The following KCNIP1 variants were observed in gnomAD, a reference collection of about 807,000 sequenced individuals.
KCNIP1 encodes the protein potassium voltage-gated channel interacting protein 1.
Under a neutral mutation model 33.0 loss-of-function variants are expected in KCNIP1, and 18 were observed. The ratio of observed to expected loss-of-function variants is 0.55; its 90% CI spans 0.38 to 0.81. The LOEUF (loss-of-function observed/expected upper bound fraction) is 0.81. KCNIP1 is among the 30% of genes least tolerant of loss of function. The pLI is 0.00. For synonymous variants in KCNIP1, 93 were observed against 98.3 expected, an observed-to-expected ratio of 0.95 and a Z score of 0.32; for missense variants, 238 against 271.6, an observed-to-expected ratio of 0.88 and a Z score of 0.87.
At chr5:170,507,881 A>C (rs1255119150) in intron 1 of KCNIP1, among the ~76,000 whole-genome samples, 1 of 152,178 alleles carries the variant, frequency 6.6e-6, no homozygotes, top group Non-Finnish European at 1.5e-5. Flanking sequence ...GTCTTTAATT[A>C]AAAGTAGGAG....
At chr5:170,500,731 C>T (rs1454795593), upstream of KCNIP1, among the ~76,000 whole-genome samples, 1 of 152,164 alleles carries the variant, frequency 6.6e-6, no homozygotes, top group Non-Finnish European at 1.5e-5. Flanking sequence ...GTACAGTGGG[C>T]ACGTGCGTAT....
chr5:170,720,333 G>T lies in KCNIP1; in HGVS notation c.199G>T (p.Gly67Cys). The T allele has an allele frequency of 1.2e-6, 2 of 1,613,934 alleles. No homozygotes were observed. The highest frequency in any genetic ancestry group is 1.7e-6 in the Non-Finnish European group (2 of 1,179,862). ...YRGFKNECPS[G>C]VVNEDTFKQI... is the part of the protein sequence containing the mutation. ...CCCCTTCCCACAGGAGTGCCCCAGTGGTGTGGTCAACGAAGACACATTCAA... is the reference window on the plus strand; with the variant it reads ...CCCCTTCCCACAGGAGTGCCCCAGTTGTGTGGTCAACGAAGACACATTCAA... The change falls in exon 3 of 8, where the codon GGT (glycine) becomes TGT (cysteine). Residue 67 changes from glycine to cysteine, a missense_variant. Coordinates refer to ENST00000328939, the MANE Select transcript of KCNIP1 (RefSeq NM_014592.4).
intron 1 of KCNIP1, among the ~76,000 whole-genome samples, chr5:170,572,790 A>G (rs1243840769): frequency 6.6e-6 from 1 of 152,224 alleles, no homozygotes; most frequent in Admixed American, 6.5e-5. Context: ...ACCACCCCTG[A>G]GACTGCTCTC....
At chr5:170,458,209 C>T (rs1174338700) in intron 1 of KCNIP1, among the ~76,000 whole-genome samples, 1 of 152,000 alleles carries the variant, frequency 6.6e-6, no homozygotes, top group African/African-American at 2.4e-5. Flanking sequence ...TATTAAATGG[C>T]CAAACCTAAG....
chr5:170,508,761 C>T (rs1395608874), intron 1 of KCNIP1, among the ~76,000 whole-genome samples: 2 of 152,224 alleles, frequency 1.3e-5, no homozygotes, highest in Non-Finnish European at 1.5e-5. Flanking sequence ...TCCAAGACCT[C>T]ACTCAGCAAT....
chr5:170,705,705 TTG>T (rs1439984814), intron 1 of KCNIP1, among the ~76,000 whole-genome samples: 1 of 152,096 alleles, frequency 6.6e-6, no homozygotes, highest in East Asian at 1.9e-4. Context: ...GACAATTGAG[TTG>T]TGTCTCTGAC....
intron 1 of KCNIP1, among the ~76,000 whole-genome samples, chr5:170,661,555 G>A (rs997820060): frequency 2.9e-4 from 44 of 152,138 alleles, no homozygotes; most frequent in Admixed American, 2.6e-3. Context: ...GGTTAGATGC[G>A]AGTTCTGCAC....
At chr5:170,724,026 C>T (rs1763924391) in intron 5 of KCNIP1, among the ~76,000 whole-genome samples, 1 of 152,098 alleles carries the variant, frequency 6.6e-6, no homozygotes, top group African/African-American at 2.4e-5. Flanking sequence ...GGTAAGGGGC[C>T]CATCCATATT....
Position 170,679,466 on chromosome 5 carries a change from T to A in KCNIP1, c.62-39292T>A, listed in dbSNP as rs577576310. 3.3e-5 allele frequency among the ~76,000 whole-genome samples: 5 copies of A among 152,270 alleles called. No individual in the cohort carries two copies. The East Asian group carries it at 9.7e-4, about 30-fold the overall frequency. On this transcript the variant is annotated intron_variant, in intron 1 of 7. Transcript: ENST00000328939. ...GAAGGAAGGGGAGGAGAGACCAGCA[T>A]TCACATTCAGTTATTGTTGTTTTAA...
rs114416672 is a variant in KCNIP1, at chr5:170,410,527, C to T, written c.88+56563C>T. Among the ~76,000 whole-genome samples the T allele has an allele frequency of 8.3e-3, 1,261 of 151,374 alleles. 10 individuals are homozygous for T. Among genetic ancestry groups the T allele is most frequent in the Middle Eastern group, 0.044 (13 of 294 alleles). ...GCTTTTTTTTTTTTCTTTTTTAGCTCATCTTCTGTTTTGGACCAATTAAAA... is the reference window on the plus strand; with the variant it reads ...GCTTTTTTTTTTTTCTTTTTTAGCTTATCTTCTGTTTTGGACCAATTAAAA... On this transcript the variant is annotated intron_variant, in intron 1 of 7. Coordinates refer to the KCNIP1 transcript ENST00000377360.
intron 1 of KCNIP1, among the ~76,000 whole-genome samples, chr5:170,399,439 C>A (rs1754840480): frequency 6.6e-6 from 1 of 152,180 alleles, no homozygotes; most frequent in Non-Finnish European, 1.5e-5. Flanking sequence ...CTATAACAGG[C>A]CTACATGACC....
intron 1 of KCNIP1, among the ~76,000 whole-genome samples, chr5:170,563,494 C>T (rs1757104601): frequency 6.6e-6 from 1 of 152,212 alleles, no homozygotes; most frequent in Admixed American, 6.5e-5. Context: ...GGGATCTGCA[C>T]TGGGTGTTTG....
At chr5:170,653,398 A>C (rs1761131904) in intron 1 of KCNIP1, among the ~76,000 whole-genome samples, 1 of 151,496 alleles carries the variant, frequency 6.6e-6, no homozygotes, top group Non-Finnish European at 1.5e-5. Context: ...CTCACTCTTC[A>C]TCATCATCAT....
intron 1 of KCNIP1, among the ~76,000 whole-genome samples, chr5:170,455,373 T>C (rs1256166869): frequency 6.6e-6 from 1 of 151,702 alleles, no homozygotes; most frequent in Non-Finnish European, 1.5e-5. Flanking sequence ...AGGATCTTAC[T>C]CTGTTGCCCA....
At chr5:170,422,834 G>A (rs1755527053) in intron 1 of KCNIP1, 1 of 152,180 alleles carries the variant, frequency 6.6e-6, no homozygotes, top group South Asian at 2.1e-4. Flanking sequence ...AAATTTAACT[G>A]TGAACACCTG....
intron 1 of KCNIP1, among the ~76,000 whole-genome samples, chr5:170,672,257 C>T (rs575271048): frequency 1.3e-5 from 2 of 152,290 alleles, no homozygotes; most frequent in Admixed American, 6.5e-5. Flanking sequence ...GGCCAGATCA[C>T]AGAGGCCTTT....
chr5:170,608,542 CAT>C (rs755577064), intron 1 of KCNIP1, among the ~76,000 whole-genome samples: 1 of 152,134 alleles, frequency 6.6e-6, no homozygotes, highest in Non-Finnish European at 1.5e-5. Flanking sequence ...GAGGCCGAGG[CAT>C]GTGGATCATC....
At chr5:170,517,303 G>T (rs1755159847) in intron 1 of KCNIP1, among the ~76,000 whole-genome samples, 1 of 152,186 alleles carries the variant, frequency 6.6e-6, no homozygotes, top group Non-Finnish European at 1.5e-5. Context: ...CACAAGAACA[G>T]CTTGGGGGAA....
intron 5 of KCNIP1, among the ~76,000 whole-genome samples, chr5:170,724,457 G>A (rs950299079): frequency 1.8e-4 from 27 of 152,072 alleles, no homozygotes; most frequent in African/African-American, 6.3e-4. Context: ...ATTCTAGGAA[G>A]GCAAGGTTGG....
Sources: gnomAD v4.1 joint callset for allele counts (sites outside exome capture counted in the v4.1 genomes callset) on GRCh38, gnomAD v4.1.1 for gene constraint, MANE v1.5 for transcripts, NCBI Gene and HGNC (gene_info 2026-07-23, HGNC 2026-07-21) for gene names.